The following CSMD1 variants were observed in gnomAD, a reference collection of about 807,000 sequenced individuals.
The protein encoded by CSMD1 is CUB and sushi domain-containing protein 1.
In CSMD1, 213 loss-of-function variants were observed where a neutral mutation model predicts 417.5. That is an observed-to-expected ratio of 0.51 (90% CI 0.46 to 0.57). The LOEUF (loss-of-function observed/expected upper bound fraction) is 0.57. Among genes scored for constraint, CSMD1 ranks in the 20% least tolerant of loss-of-function variants. CSMD1 has a pLI of 0.00. For missense variants in CSMD1, 6,923 were observed against 4,529.7 expected, an observed-to-expected ratio of 1.53 and a Z score of -15.17; for synonymous variants, 2,862 against 1,736.8, an observed-to-expected ratio of 1.65 and a Z score of -16.11.
At chr8:3,731,213 C>G (rs147370965) in intron 6 of CSMD1, among the ~76,000 whole-genome samples, 1 of 152,212 alleles carries the variant, frequency 6.6e-6, no homozygotes, top group African/African-American at 2.4e-5. Flanking sequence ...GTTTCTCCAC[C>G]TTCCCACTGT....
chr8:4,333,416 C>G (rs1799987251), intron 3 of CSMD1, among the ~76,000 whole-genome samples: 1 of 152,090 alleles, frequency 6.6e-6, no homozygotes, highest in African/African-American at 2.4e-5. Context: ...TCCTCAACTA[C>G]CTGTTGCCTA....
chr8:3,331,798 T>A (rs1486624595), intron 23 of CSMD1, among the ~76,000 whole-genome samples: 1 of 152,254 alleles, frequency 6.6e-6, no homozygotes. Context: ...AATGATATAT[T>A]GAATAGCAGT....
intron 2 of CSMD1, among the ~76,000 whole-genome samples, chr8:4,433,264 A>G (rs1273543982): frequency 6.6e-6 from 1 of 152,166 alleles, no homozygotes; most frequent in Non-Finnish European, 1.5e-5. Flanking sequence ...ATGACCCCGA[A>G]ACCATTTCCT....
intron 5 of CSMD1, among the ~76,000 whole-genome samples, chr8:3,871,621 G>A (rs771456699): frequency 9.9e-5 from 15 of 151,898 alleles, no homozygotes; most frequent in Non-Finnish European, 1.6e-4. Flanking sequence ...GATTATACAG[G>A]ATATATTTTT....
At chr8:3,441,688 A>T (rs1446628903) in intron 12 of CSMD1, among the ~76,000 whole-genome samples, 2 of 152,092 alleles carry the variant, frequency 1.3e-5, no homozygotes, top group Non-Finnish European at 2.9e-5. Flanking sequence ...TGCTGGTGTA[A>T]ATAAACCTAC....
intron 7 of CSMD1, among the ~76,000 whole-genome samples, chr8:3,663,567 A>G (rs988158551): frequency 1.3e-5 from 2 of 152,190 alleles, no homozygotes; most frequent in Admixed American, 6.6e-5. Flanking sequence ...CTCCAACTCT[A>G]TTCAAAGCCA....
intron 26 of CSMD1, among the ~76,000 whole-genome samples, chr8:3,241,771 G>A (rs1348128914): frequency 1.3e-5 from 2 of 152,066 alleles, no homozygotes; most frequent in Non-Finnish European, 2.9e-5. Flanking sequence ...TGTGGCTGGG[G>A]TTTGTCTCAC....
chr8:3,358,419 G>A (rs1160887006), intron 21 of CSMD1, among the ~76,000 whole-genome samples: 1 of 152,192 alleles, frequency 6.6e-6, no homozygotes, highest in Non-Finnish European at 1.5e-5. Flanking sequence ...AGCTCTGGCT[G>A]TGTGGACAAC....
At chr8:3,920,874 T>G (rs977885746) in intron 5 of CSMD1, among the ~76,000 whole-genome samples, 20 of 152,158 alleles carry the variant, frequency 1.3e-4, no homozygotes, top group African/African-American at 4.6e-4. Flanking sequence ...TTCATTTTGC[T>G]AGTGTTTTGT....
At chr8:3,576,056 C>T (rs867153465) in intron 9 of CSMD1, among the ~76,000 whole-genome samples, 2 of 151,976 alleles carry the variant, frequency 1.3e-5, no homozygotes, top group African/African-American at 4.8e-5. Flanking sequence ...AGGATTAATC[C>T]TCGTCATAGC....
intron 8 of CSMD1, among the ~76,000 whole-genome samples, chr8:3,603,217 C>T (rs1050889361): frequency 6.6e-6 from 1 of 152,190 alleles, no homozygotes; most frequent in African/African-American, 2.4e-5. Context: ...TAATCATCGG[C>T]AAATATTTTT....
chr8:3,676,999 G>C (rs777680154), intron 7 of CSMD1, among the ~76,000 whole-genome samples: 85 of 152,026 alleles, frequency 5.6e-4, no homozygotes, highest in Non-Finnish European at 9.6e-4. Context: ...ACCGGGGCCT[G>C]TTGCGGGGTT....
intron 1 of CSMD1, among the ~76,000 whole-genome samples, chr8:4,974,567 T>C (rs189499185): frequency 1.7e-3 from 266 of 152,230 alleles, no homozygotes; most frequent in African/African-American, 5.6e-3. Context: ...TGAAAAAAGA[T>C]TGGAGTCGAC....
chr8:3,219,541 G>A (rs944340966), intron 28 of CSMD1, 99 bp from the exon 29 acceptor site: 2 of 879,252 alleles, frequency 2.3e-6, no homozygotes, highest in Non-Finnish European at 3.2e-6. Context: ...ATTTGCTTTT[G>A]TATAATGATT....
rs565261744 is a variant in CSMD1, at chr8:3,254,986, C to T, written c.4154-24755G>A. Among the ~76,000 whole-genome samples the T allele has an allele frequency of 9.9e-5, 15 of 152,160 alleles. No individual in the cohort carries two copies. The East Asian group carries it at 1.2e-3, about 12-fold the overall frequency. On this transcript the variant is annotated intron_variant, in intron 26 of 69. Transcript: ENST00000635120. ...TTACAGTTTTTCTGCTCTGTTTTTTCCCCATCTTTGTGGTTTTATCTACCT... is the reference window on the plus strand; with the variant it reads ...TTACAGTTTTTCTGCTCTGTTTTTTTCCCATCTTTGTGGTTTTATCTACCT...
At chr8:4,240,565 T>C (rs996215826) in intron 3 of CSMD1, among the ~76,000 whole-genome samples, 1 of 152,226 alleles carries the variant, frequency 6.6e-6, no homozygotes, top group Admixed American at 6.5e-5. Flanking sequence ...GCCTCCTGCC[T>C]TTTTATTTTA....
chr8:2,987,011 T>C (rs553133179), intron 54 of CSMD1, among the ~76,000 whole-genome samples: 1 of 152,182 alleles, frequency 6.6e-6, no homozygotes, highest in South Asian at 2.1e-4. Flanking sequence ...CAGAGACTCT[T>C]GCAAGTACAT....
In CSMD1 at chr8:3,588,408, G is replaced by A. The variant is rs147864175; in HGVS notation, c.1098-2148C>T. On this transcript the variant is annotated intron_variant, in intron 8 of 69. Coordinates refer to ENST00000635120, the MANE Select transcript of CSMD1 (RefSeq NM_033225.6). ...TAGGAAGAGTTGGAATTTCAGTGTG[G>A]CCACTTCTTCAATGATCCCCTTAAC... Among the ~76,000 whole-genome samples the A allele has an allele frequency of 3.2e-3, 485 of 152,212 alleles. 4 individuals carry two copies. The highest frequency in any genetic ancestry group is 0.011 in the African/African-American group (466 of 41,532).
chr8:4,887,954 G>T (rs544102772), intron 1 of CSMD1, among the ~76,000 whole-genome samples: 8 of 151,792 alleles, frequency 5.3e-5, no homozygotes, highest in Non-Finnish European at 8.8e-5. Context: ...GTCAATATAT[G>T]GTTAAATCTC....
Sources: allele counts gnomAD v4.1 joint callset (sites outside exome capture counted in the v4.1 genomes callset), GRCh38; gene constraint gnomAD v4.1.1; transcripts MANE v1.5; gene names NCBI Gene and HGNC (gene_info 2026-07-23, HGNC 2026-07-21).